The following BORCS5 variants were observed in gnomAD, a reference collection of about 807,000 sequenced individuals.
The protein encoded by BORCS5 is BLOC-1-related complex subunit 5.
Under a neutral mutation model 22.1 loss-of-function variants are expected in BORCS5, and 17 were observed. The ratio of observed to expected loss-of-function variants is 0.77; its 90% CI spans 0.53 to 1.15. BORCS5 has a LOEUF of 1.15. Among genes scored for constraint, BORCS5 ranks in the 50% most tolerant of loss-of-function variants. BORCS5 has a pLI of 0.00. For synonymous variants in BORCS5, 117 were observed against 99.8 expected (o/e 1.17, Z -1.03); for missense variants, 247 against 253.2 (o/e 0.98, Z 0.17).
intron 2 of BORCS5, among the ~76,000 whole-genome samples, chr12:12,362,562 A>G (rs1184419080): frequency 6.7e-6 from 1 of 149,788 alleles, no homozygotes; most frequent in East Asian, 2.0e-4. Flanking sequence ...TTTCTTCCCT[A>G]CAGGCCTGAG....
rs1943263723 is a variant in BORCS5 at position 12,469,913 on chromosome 12, A to G, written c.*4137A>G. On this transcript the variant is annotated 3_prime_UTR_variant, in exon 4 of 4. Transcript: ENST00000314565. ...GCTTCATTCCTTTGTTAAGAACTAT[A>G]TAGTGCCTCTGAGGAGGTGGCATTA... Among the ~76,000 whole-genome samples, 1 of 152,168 alleles carries G rather than the reference A, an allele frequency of 6.6e-6. No individual in the cohort carries two copies. The highest frequency in any genetic ancestry group is 2.4e-5 in the African/African-American group (1 of 41,416).
At chr12:12,448,543 T>C (rs929599189) in intron 3 of BORCS5, among the ~76,000 whole-genome samples, 1 of 148,684 alleles carries the variant, frequency 6.7e-6, no homozygotes, top group African/African-American at 2.5e-5. Context: ...TTTTTTTTTC[T>C]TTTTTTTGAC....
intron 2 of BORCS5, among the ~76,000 whole-genome samples, chr12:12,379,043 A>G (rs1336145998): frequency 1.3e-5 from 2 of 150,702 alleles, no homozygotes; most frequent in Non-Finnish European, 3.0e-5. Flanking sequence ...GGCATGAGCC[A>G]TTGCACCCAT....
intron 2 of BORCS5, among the ~76,000 whole-genome samples, chr12:12,383,507 A>C (rs1183745552): frequency 6.6e-6 from 1 of 151,252 alleles, no homozygotes; most frequent in Non-Finnish European, 1.5e-5. Context: ...AACCGTTGTC[A>C]CTTCCTTTTA....
Position 12,437,373 on chromosome 12 carries a change from T to C in BORCS5, c.360+1588T>C, listed in dbSNP as rs181511702. ...GGAACTGTGAGTCAACTAAACCTCT[T>C]TCCTTTATAAATTACCCAGTCTTGG... On this transcript the variant is annotated intron_variant, in intron 3 of 3. Coordinates refer to ENST00000314565, the MANE Select transcript of BORCS5 (RefSeq NM_058169.6). 3.0e-3 allele frequency among the ~76,000 whole-genome samples: 462 copies of C among 152,346 alleles called. 1 individual carries two copies. The highest frequency in any genetic ancestry group is 6.8e-3 in the Middle Eastern group (2 of 294).
chr12:12,361,567 A>G (rs531533835), intron 2 of BORCS5, among the ~76,000 whole-genome samples: 1 of 152,214 alleles, frequency 6.6e-6, no homozygotes, highest in Non-Finnish European at 1.5e-5. Flanking sequence ...TCATTGACCT[A>G]TTGCAAATAT....
intron 3 of BORCS5, among the ~76,000 whole-genome samples, chr12:12,444,957 C>A (rs1354815795): frequency 6.6e-6 from 1 of 152,136 alleles, no homozygotes; most frequent in Non-Finnish European, 1.5e-5. Context: ...ACAAAAAAAA[C>A]TCATAATATT....
intron 2 of BORCS5, among the ~76,000 whole-genome samples, chr12:12,378,545 C>CTCAGCTTGA (rs1213396598): frequency 1.5e-4 from 22 of 151,348 alleles, no homozygotes; most frequent in South Asian, 4.2e-4. Context: ...AATAACTAAC[C>CTCAGCTTGA]GGTTTTCTTT....
intron 2 of BORCS5, among the ~76,000 whole-genome samples, chr12:12,373,434 C>G (rs537891861): frequency 7.2e-5 from 11 of 152,292 alleles, no homozygotes; most frequent in African/African-American, 2.4e-4. Context: ...TTCCTTCTTT[C>G]AGGGATCAAA....
chr12:12,398,403 CA>C (rs2136069089), intron 2 of BORCS5, among the ~76,000 whole-genome samples: 1 of 152,090 alleles, frequency 6.6e-6, no homozygotes, highest in South Asian at 2.1e-4. Context: ...CTGCTTGCTA[CA>C]AAAATAATTA....
chr12:12,397,407 A>G (rs1057083025), intron 2 of BORCS5, among the ~76,000 whole-genome samples: 4 of 152,362 alleles, frequency 2.6e-5, no homozygotes, highest in South Asian at 2.1e-4. Context: ...GGAATGTGAC[A>G]GAACTGGCAT....
intron 2 of BORCS5, among the ~76,000 whole-genome samples, chr12:12,415,897 G>T (rs1941935719): frequency 6.6e-6 from 1 of 152,146 alleles, no homozygotes; most frequent in Non-Finnish European, 1.5e-5. Flanking sequence ...TCTAAAAAGG[G>T]TTTATGTTAG....
Position 12,466,921 on chromosome 12 carries a change from A to T in BORCS5, c.*1145A>T, listed in dbSNP as rs1943213122. The T allele has an allele frequency of 6.6e-6, 1 of 152,138 alleles. No homozygotes were observed. The allele number at this position is 152,138 out of a possible 1,614,324, so 9.4% of individuals were successfully genotyped here. A position where few individuals can be genotyped will look rare whatever the true frequency, so the allele number is the denominator to read the frequency against. ...GCTTAATTTAATGTATCTTGGCTAA[A>T]CTTGATCTGATTCTAATCTTGGTTT... On this transcript the variant is annotated 3_prime_UTR_variant, in exon 4 of 4. Transcript: ENST00000314565.
intron 2 of BORCS5, among the ~76,000 whole-genome samples, chr12:12,395,342 C>T (rs1000916431): frequency 6.6e-6 from 1 of 151,502 alleles, no homozygotes; most frequent in East Asian, 1.9e-4. Flanking sequence ...TGATCTCTGC[C>T]ACTGCAGCCT....
chr12:12,468,173 C>T lies in BORCS5; in HGVS notation c.*2397C>T, dbSNP rs148400308. ...AGCCGAACCGAGACTTTCACCAGCC[C>T]CTCTAATTGCTCAAACCGCTTTCAC... On this transcript the variant is annotated 3_prime_UTR_variant, in exon 4 of 4. Transcript: ENST00000314565. 1 of 152,296 alleles carries T rather than the reference C, an allele frequency of 6.6e-6. No homozygotes were observed. Among genetic ancestry groups the T allele is most frequent in the African/African-American group, 2.4e-5 (1 of 41,558 alleles). 9.4% of individuals were successfully genotyped at this position (152,296 alleles called of 1,614,324 possible). A position where few individuals can be genotyped will look rare whatever the true frequency, so the allele number is the denominator to read the frequency against.
At chr12:12,368,379 G>A (rs926727469) in intron 2 of BORCS5, among the ~76,000 whole-genome samples, 1 of 151,480 alleles carries the variant, frequency 6.6e-6, no homozygotes, top group African/African-American at 2.4e-5. Context: ...GGCGCTTTAA[G>A]TATTCTGAAA....
At chr12:12,449,342 C>T (rs565965265) in intron 3 of BORCS5, among the ~76,000 whole-genome samples, 121 of 152,176 alleles carry the variant, frequency 8.0e-4, no homozygotes, top group Non-Finnish European at 1.5e-3. Context: ...TCCCAAGGAA[C>T]GGGAGGAGTG....
intron 2 of BORCS5, among the ~76,000 whole-genome samples, chr12:12,395,550 G>A (rs369313766): frequency 8.0e-5 from 12 of 150,882 alleles, no homozygotes; most frequent in South Asian, 2.1e-4. Context: ...GCCTCCCAGC[G>A]TGCCGGGATT....
chr12:12,415,925 T>G (rs1410509182), intron 2 of BORCS5, among the ~76,000 whole-genome samples: 2 of 152,182 alleles, frequency 1.3e-5, no homozygotes, highest in Admixed American at 1.3e-4. Flanking sequence ...AAATGGTTGG[T>G]GGAACTCACC....
Sources: allele counts gnomAD v4.1 joint callset (sites outside exome capture counted in the v4.1 genomes callset), GRCh38; gene constraint gnomAD v4.1.1; transcripts MANE v1.5; gene names NCBI Gene and HGNC (gene_info 2026-07-23, HGNC 2026-07-21).